ADCY9: variants seen among roughly 807,000 people sequenced by gnomAD.
ADCY9 encodes the protein adenylate cyclase 9.
In ADCY9, 50 loss-of-function variants were observed where a neutral mutation model predicts 101.5. The observed-to-expected ratio is 0.49, with a 90% CI of 0.39 to 0.62. ADCY9 has a LOEUF of 0.62. ADCY9 is among the 20% of genes least tolerant of loss of function. The pLI is 0.00. For missense variants in ADCY9, 1,662 were observed against 1,800.4 expected, an observed-to-expected ratio of 0.92 and a Z score of 1.39; for synonymous variants, 905 against 769.3, an observed-to-expected ratio of 1.18 and a Z score of -2.92.
At chr16:4,024,337 T>C (rs1488080447) in intron 2 of ADCY9, among the ~76,000 whole-genome samples, 1 of 152,192 alleles carries the variant, frequency 6.6e-6, no homozygotes, top group African/African-American at 2.4e-5. Context: ...TTAAAACTTT[T>C]TAATTCAAAC....
In ADCY9 at chr16:4,107,289, G is replaced by A. The variant is rs1055357415; in HGVS notation, c.1693+6461C>T. 6.6e-5 allele frequency among the ~76,000 whole-genome samples: 10 copies of A among 152,054 alleles called. 1 individual carries two copies. The highest frequency in any genetic ancestry group is 4.2e-4 in the South Asian group (2 of 4,812). On this transcript the variant is annotated intron_variant, in intron 2 of 10. Transcript: ENST00000294016. ...GTCAAGGCTGGGCGTGGTGGCTCAC[G>A]CCTGTAATCCCAGCCCTTTGGGAGG...
chr16:4,103,879 A>G (rs2057059576), intron 2 of ADCY9, among the ~76,000 whole-genome samples: 1 of 152,162 alleles, frequency 6.6e-6, no homozygotes, highest in Non-Finnish European at 1.5e-5. Context: ...AGCTGTCAAC[A>G]TGAATGATTG....
At chr16:4,058,217 A>G (rs888678704) in intron 2 of ADCY9, among the ~76,000 whole-genome samples, 3 of 150,662 alleles carry the variant, frequency 2.0e-5, no homozygotes, top group African/African-American at 7.3e-5. Flanking sequence ...TAATCCCAAC[A>G]CTTTGGGAGG....
At position 4,110,376 on chromosome 16, in the gene ADCY9, C is replaced by CTTTTTTTTTTTTTTTTTTTTTTTTTTTTT. The variant is rs1170090126; in HGVS notation, c.1693+3373_1693+3374insAAAAAAAAAAAAAAAAAAAAAAAAAAAAA. On this transcript the variant is annotated intron_variant, in intron 2 of 10. Coordinates refer to ENST00000294016, the MANE Select transcript of ADCY9 (RefSeq NM_001116.4). ...AGTTTTGCAATCATACTTATACCTACTTTTTTTTTTTTTTTTTTTTTTTTT... is the reference window on the plus strand; with the variant it reads ...AGTTTTGCAATCATACTTATACCTACTTTTTTTTTTTTTTTTTTTTTTTTTTTTTTTTTTTTTTTTTTTTTTTTTTTTTT... Among the ~76,000 whole-genome samples, 4 of 110,742 alleles carry CTTTTTTTTTTTTTTTTTTTTTTTTTTTTT rather than the reference C, an allele frequency of 3.6e-5. 2 individuals carry two copies. The highest frequency in any genetic ancestry group is 7.1e-5 in the African/African-American group (2 of 28,116). 72.7% of individuals were successfully genotyped at this position (110,742 alleles called of 152,430 possible).
chr16:3,989,586 G>A (rs1183009041), intron 5 of ADCY9, among the ~76,000 whole-genome samples: 4 of 152,158 alleles, frequency 2.6e-5, no homozygotes, highest in African/African-American at 9.7e-5. Flanking sequence ...CACCATGTTG[G>A]TCAGGCTGGT....
chr16:4,052,104 T>G (rs555035010), intron 2 of ADCY9, among the ~76,000 whole-genome samples: 203 of 152,288 alleles, frequency 1.3e-3, no homozygotes, highest in African/African-American at 4.7e-3. Flanking sequence ...GCCAGGAACC[T>G]ACCACCTGAT....
chr16:4,079,751 A>G (rs1006224821), intron 2 of ADCY9, among the ~76,000 whole-genome samples: 4 of 152,040 alleles, frequency 2.6e-5, no homozygotes, highest in African/African-American at 9.7e-5. Flanking sequence ...ATGCATTGAT[A>G]TATATTTGAT....
At chr16:3,998,192 G>C (rs1363663714) in intron 3 of ADCY9, among the ~76,000 whole-genome samples, 2 of 152,120 alleles carry the variant, frequency 1.3e-5, no homozygotes, top group Non-Finnish European at 2.9e-5. Flanking sequence ...TTGAGCCCAG[G>C]AGTTTGAGAT....
chr16:4,003,567 T>C (rs1242005448), intron 3 of ADCY9, among the ~76,000 whole-genome samples: 7 of 148,366 alleles, frequency 4.7e-5, no homozygotes, highest in South Asian at 2.1e-4. Context: ...TCTTTTCTTT[T>C]TTTTTTTTTT....
intron 2 of ADCY9, among the ~76,000 whole-genome samples, chr16:4,084,776 T>C (rs942160393): frequency 6.6e-6 from 1 of 151,894 alleles, no homozygotes; most frequent in Non-Finnish European, 1.5e-5. Flanking sequence ...TCAGTGGCAA[T>C]CTCTGTGTTT....
intron 2 of ADCY9, among the ~76,000 whole-genome samples, chr16:4,089,568 T>C (rs2056960632): frequency 6.6e-6 from 1 of 151,986 alleles, no homozygotes; most frequent in African/African-American, 2.4e-5. Context: ...GATGTGTGTT[T>C]TTCACCTCTT....
At chr16:4,027,606 G>A (rs2056525163) in intron 2 of ADCY9, among the ~76,000 whole-genome samples, 1 of 152,302 alleles carries the variant, frequency 6.6e-6, no homozygotes, top group East Asian at 1.9e-4. Context: ...ACTGGACGTG[G>A]TGGCTCACGC....
At position 4,115,535 on chromosome 16, in the gene ADCY9, G is replaced by T; in HGVS notation, c.-43-50C>A. On this transcript the variant is annotated intron_variant, in intron 1 of 10. Coordinates refer to ENST00000294016, the MANE Select transcript of ADCY9 (RefSeq NM_001116.4). This position sits in a 1 kb window ranked among gnomAD's most constrained non-coding sequence, Gnocchi z 6.2. ...GCGGCGCTCCCACCTAGGCATGCAC[G>T]CCTAGAGGCCCGGGACCTGCTCCTG... 1 of 1,410,534 alleles carries T rather than the reference G, an allele frequency of 7.1e-7. No homozygotes were observed. The highest frequency in any genetic ancestry group is 1.4e-5 in the South Asian group (1 of 69,432). 87.4% of individuals were successfully genotyped at this position (1,410,534 alleles called of 1,614,324 possible).
rs1229246853 is a variant in ADCY9 at position 3,989,052 on chromosome 16, C to T, written c.2252G>A (p.Ser751Asn). 4 of 1,614,068 alleles carry T rather than the reference C, an allele frequency of 2.5e-6. No individual in the cohort carries two copies. The highest frequency in any genetic ancestry group is 1.3e-5 in the African/African-American group (1 of 74,928). ...YFFKPPINQF[S>N]LNFLDQELER... Reference sequence around the variant, plus strand: ...CAGCTCCTGATCCAGGAAGTTCAGGCTGAACTGATTAATGGGCGGCTTAAA... The same window carrying T: ...CAGCTCCTGATCCAGGAAGTTCAGGTTGAACTGATTAATGGGCGGCTTAAA... Residue 751 changes from serine to asparagine, a missense_variant, in exon 6 of 11, where the codon AGC (serine) becomes AAC (asparagine). Ser to Asn is a conservative substitution (Grantham distance 46, BLOSUM62 1). Around this residue, in one of 5 missense-constraint regions of ADCY9, gnomAD observed 624 missense variants for 639.1 expected, o/e 0.98. Transcript: ENST00000294016.
chr16:4,041,506 C>CAAAAAAAAAAA (rs55669348), intron 2 of ADCY9, among the ~76,000 whole-genome samples: 6 of 94,616 alleles, frequency 6.3e-5, no homozygotes, highest in Non-Finnish European at 1.0e-4. Flanking sequence ...GTATTAAAAC[C>CAAAAAAAAAAA]AAAAAAAAAA....
chr16:4,029,650 G>A (rs773752854), intron 2 of ADCY9, among the ~76,000 whole-genome samples: 35 of 152,198 alleles, frequency 2.3e-4, no homozygotes, highest in Non-Finnish European at 4.4e-4. Context: ...GGGAGACTGA[G>A]GCAAAAGAAT....
intron 6 of ADCY9, chr16:3,983,865 C>A: frequency 5.7e-6 from 1 of 174,264 alleles, no homozygotes; most frequent in Non-Finnish European, 1.2e-5. Flanking sequence ...TTTCAGGCCG[C>A]AGTGAGCTAT....
chr16:4,101,281 A>ATTTTTTT (rs34733913), intron 2 of ADCY9, among the ~76,000 whole-genome samples: 2 of 135,526 alleles, frequency 1.5e-5, no homozygotes. Flanking sequence ...TGTTCAGGTG[A>ATTTTTTT]TTTTTTTTTT....
chr16:4,007,318 GA>G (rs2056372844), intron 3 of ADCY9, 49 bp downstream of exon 3: 1 of 1,461,148 alleles, frequency 6.8e-7, no homozygotes, highest in Non-Finnish European at 9.1e-7. Flanking sequence ...CTCTACTGCA[GA>G]ATTAATAGAA....
Sources: allele counts gnomAD v4.1 joint callset (sites outside exome capture counted in the v4.1 genomes callset), GRCh38; gene constraint gnomAD v4.1.1; regional missense constraint gnomAD v4.1.1; non-coding constraint Gnocchi (gnomAD v3.1); transcripts MANE v1.5; gene names NCBI Gene and HGNC (gene_info 2026-07-23, HGNC 2026-07-21).